Variants in NEK10 observed in about 807,000 individuals in gnomAD.
NEK10 encodes the protein serine/threonine-protein kinase Nek10.
In NEK10, 122 loss-of-function variants were observed where a neutral mutation model predicts 159.8. The observed-to-expected ratio is 0.76, with a 90% CI of 0.66 to 0.89. NEK10 has a LOEUF of 0.89. Among genes scored for constraint, NEK10 ranks in the 40% least tolerant of loss-of-function variants. NEK10 has a pLI of 0.00. For synonymous variants in NEK10, 466 were observed against 457.1 expected, an observed-to-expected ratio of 1.02 and a Z score of -0.25; for missense variants, 1,342 against 1,323.1, an observed-to-expected ratio of 1.01 and a Z score of -0.22.
intron 22 of NEK10, among the ~76,000 whole-genome samples, chr3:27,264,978 T>A (rs1685903183): frequency 6.6e-6 from 1 of 152,036 alleles, no homozygotes; most frequent in South Asian, 2.1e-4. Flanking sequence ...ACCAGATCAG[T>A]ACATTAAAGA....
chr3:27,200,883 C>T (rs543628173), intron 25 of NEK10, among the ~76,000 whole-genome samples: 39 of 152,178 alleles, frequency 2.6e-4, no homozygotes, highest in Non-Finnish European at 5.1e-4. Context: ...AAGGAGGGTG[C>T]ATGCCAGGAC....
intron 23 of NEK10, among the ~76,000 whole-genome samples, chr3:27,238,531 A>G (rs1954202119): frequency 6.6e-6 from 1 of 152,108 alleles, no homozygotes; most frequent in African/African-American, 2.4e-5. Context: ...ATTTTGTTAT[A>G]TGTATTCATA....
chr3:27,242,937 T>C (rs999591661), intron 23 of NEK10, among the ~76,000 whole-genome samples: 1 of 152,218 alleles, frequency 6.6e-6, no homozygotes, highest in Non-Finnish European at 1.5e-5. Flanking sequence ...TGCCAATGTA[T>C]CAAGGTTACA....
At chr3:27,323,355 G>A (rs997232837) in intron 5 of NEK10, among the ~76,000 whole-genome samples, 2 of 152,184 alleles carry the variant, frequency 1.3e-5, no homozygotes, top group Non-Finnish European at 2.9e-5. Flanking sequence ...CACTCCCACT[G>A]GCTCTCTGTG....
intron 23 of NEK10, among the ~76,000 whole-genome samples, chr3:27,226,556 T>C (rs1952666963): frequency 6.6e-6 from 1 of 152,194 alleles, no homozygotes; most frequent in African/African-American, 2.4e-5. Flanking sequence ...TAAATGCTTT[T>C]TAACTCTGGG....
chr3:27,196,648 G>C (rs1203251857), intron 25 of NEK10, among the ~76,000 whole-genome samples: 1 of 152,192 alleles, frequency 6.6e-6, no homozygotes, highest in South Asian at 2.1e-4. Context: ...GGGTCTATTA[G>C]TTTCAGAAGA....
chr3:27,216,030 T>A (rs1951493566), intron 23 of NEK10: 1 of 470,082 alleles, frequency 2.1e-6, no homozygotes, highest in Non-Finnish European at 3.8e-6. Context: ...GGGACAAAGA[T>A]CCAAACCATA....
At chr3:27,341,206 T>C (rs577754758) in intron 5 of NEK10, among the ~76,000 whole-genome samples, 61 of 152,054 alleles carry the variant, frequency 4.0e-4, no homozygotes, top group African/African-American at 1.3e-3. Flanking sequence ...GAAGGGTGGG[T>C]GAGTGCAAGG....
chr3:27,359,368 T>C (rs986340461), intron 1 of NEK10, among the ~76,000 whole-genome samples: 2 of 152,218 alleles, frequency 1.3e-5, no homozygotes, highest in African/African-American at 4.8e-5. Flanking sequence ...TAGAACTTCC[T>C]GTACTGACAA....
At chr3:27,281,855 G>T (rs528682719) in intron 22 of NEK10, among the ~76,000 whole-genome samples, 2 of 152,254 alleles carry the variant, frequency 1.3e-5, no homozygotes, top group East Asian at 3.9e-4. Context: ...ACAAAAGTGG[G>T]AGTACTTATC....
chr3:27,209,871 AT>A (rs1559616704), intron 23 of NEK10, among the ~76,000 whole-genome samples: 1 of 151,988 alleles, frequency 6.6e-6, no homozygotes, highest in Non-Finnish European at 1.5e-5. Flanking sequence ...CTTCTTGAAA[AT>A]CTGTCTTTTG....
At chr3:27,233,817 A>G (rs2149222542) in intron 23 of NEK10, among the ~76,000 whole-genome samples, 1 of 152,258 alleles carries the variant, frequency 6.6e-6, no homozygotes. Flanking sequence ...ATACAACAAA[A>G]AAGGAAAACT....
At position 27,243,230 on chromosome 3, in the gene NEK10, TTAA is replaced by T. The variant is rs202055908; in HGVS notation, c.2090+13063_2090+13065del. 3.4e-3 allele frequency among the ~76,000 whole-genome samples: 521 copies of T among 152,132 alleles called. 3 individuals carry two copies. The highest frequency in any genetic ancestry group is 3.2e-3 in the Non-Finnish European group (215 of 68,002). On this transcript the variant is annotated intron_variant, in intron 23 of 35. Transcript: ENST00000691995. The stretch of plus-strand genomic sequence containing the variant: ...AGTCTGAAATGCCAAGATAAAAAAG[TTAA>T]TAATTAAAATTAAATATAAAAATTA...
intron 23 of NEK10, among the ~76,000 whole-genome samples, chr3:27,240,826 A>AT (rs1327334126): frequency 6.6e-6 from 1 of 151,588 alleles, no homozygotes; most frequent in Non-Finnish European, 1.5e-5. Flanking sequence ...TAATTTTTGT[A>AT]TTTTTTTAGT....
intron 31 of NEK10, among the ~76,000 whole-genome samples, chr3:27,138,804 A>C (rs1030024479): frequency 9.9e-5 from 15 of 152,234 alleles, no homozygotes; most frequent in African/African-American, 3.6e-4. Context: ...ATGCAGTTGC[A>C]TCACAATTAA....
chr3:27,224,096 C>T (rs1002387137), intron 23 of NEK10, among the ~76,000 whole-genome samples: 1 of 152,186 alleles, frequency 6.6e-6, no homozygotes, highest in Admixed American at 6.5e-5. Flanking sequence ...GACTACTGTA[C>T]TGAGAAAACA....
chr3:27,297,413 A>C (rs1456122485), intron 13 of NEK10, among the ~76,000 whole-genome samples, 173 bp from the exon 14 acceptor site: 1 of 152,214 alleles, frequency 6.6e-6, no homozygotes, highest in Non-Finnish European at 1.5e-5. Flanking sequence ...AAAGAAGTTG[A>C]CTTGTAATGG....
chr3:27,232,542 TC>T (rs1487023663), intron 23 of NEK10, among the ~76,000 whole-genome samples: 4 of 145,990 alleles, frequency 2.7e-5, no homozygotes, highest in South Asian at 2.3e-4. Flanking sequence ...TCATCATTCT[TC>T]ACAGAATTAG....
chr3:27,180,057 G>T (rs1015668921), intron 26 of NEK10, among the ~76,000 whole-genome samples: 1 of 151,858 alleles, frequency 6.6e-6, no homozygotes, highest in Non-Finnish European at 1.5e-5. Context: ...CTCCAGCCTG[G>T]GCAACAGAGC....
Sources: gnomAD v4.1 joint callset for allele counts (sites outside exome capture counted in the v4.1 genomes callset) on GRCh38, gnomAD v4.1.1 for gene constraint, MANE v1.5 for transcripts, NCBI Gene and HGNC (gene_info 2026-07-23, HGNC 2026-07-21) for gene names.